HUNK: variants seen among roughly 807,000 people sequenced by gnomAD.
The protein encoded by HUNK is hormonally up-regulated Neu-associated kinase.
In HUNK, 21 loss-of-function variants were observed where a neutral mutation model predicts 61.0. That is an observed-to-expected ratio of 0.34 (90% CI 0.24 to 0.50). The LOEUF (loss-of-function observed/expected upper bound fraction) is 0.50, where lower values mean the gene tolerates loss of function less well. Ranked by LOEUF, HUNK falls within the 20% of genes least tolerant of loss-of-function variation. HUNK has a pLI of 0.98. For missense variants in HUNK, 772 were observed against 945.7 expected (o/e 0.82, Z 2.41); for synonymous variants, 371 against 386.1 (o/e 0.96, Z 0.46).
chr21:31,995,792 A>C lies in HUNK; in HGVS notation c.1330A>C (p.Lys444Gln). 1 of 1,614,148 alleles carries C rather than the reference A, an allele frequency of 6.2e-7. No homozygotes were observed. The highest frequency in any genetic ancestry group is 8.5e-7 in the Non-Finnish European group (1 of 1,180,016). The change falls in exon 10 of 11, where the codon AAA becomes CAA. Residue 444 changes from lysine to glutamine, a missense_variant. Lys to Gln is a moderately conservative substitution (Grantham distance 53). This residue lies in a region of HUNK where 413 missense variants were observed against 444.4 expected (regional missense o/e 0.93). Transcript: ENST00000270112. ...GGATAAAAAGCCCAAAGAACAAGAA[A>C]AAAGAGGGGATTTTCTTCATCGACC... The part of the protein sequence containing the change: ...VQDKKPKEQE[K>Q]RGDFLHRPFS...
intron 1 of HUNK, among the ~76,000 whole-genome samples, chr21:31,919,881 G>A (rs1295837002): frequency 6.6e-6 from 1 of 152,228 alleles, no homozygotes; most frequent in Non-Finnish European, 1.5e-5. Context: ...GCCTGGAAAT[G>A]CGTCCCAAAG....
At chr21:31,994,478 G>A (rs1328184122) in intron 9 of HUNK, among the ~76,000 whole-genome samples, 4 of 152,194 alleles carry the variant, frequency 2.6e-5, no homozygotes, top group Non-Finnish European at 5.9e-5. Flanking sequence ...AAATAGACGA[G>A]CTCTCTTGGT....
intron 1 of HUNK, among the ~76,000 whole-genome samples, chr21:31,891,748 G>A (rs1258054788): frequency 6.6e-6 from 1 of 152,148 alleles, no homozygotes; most frequent in African/African-American, 2.4e-5. Context: ...AGGGGGCAAA[G>A]GCACATGGAA....
At chr21:31,978,625 C>T (rs1255576291) in intron 7 of HUNK, among the ~76,000 whole-genome samples, 1 of 152,102 alleles carries the variant, frequency 6.6e-6, no homozygotes, top group African/African-American at 2.4e-5. Context: ...ATAATGTCCT[C>T]TAGGTTCATC....
chr21:31,978,432 C>T (rs1487963398), intron 7 of HUNK, among the ~76,000 whole-genome samples: 1 of 152,098 alleles, frequency 6.6e-6, no homozygotes, highest in African/African-American at 2.4e-5. Context: ...TTTTTTTCCT[C>T]CTGTTTAACT....
chr21:31,911,532 G>A lies in HUNK; in HGVS notation c.262-12936G>A, dbSNP rs555512391. On this transcript the variant is annotated intron_variant, in intron 1 of 10. Transcript: ENST00000270112. ...AGCCGTGGGCTGCCTGATGGGAGTGGCGCAGGCATCCTCATGACGTGGATT... is the reference window on the plus strand; with the variant it reads ...AGCCGTGGGCTGCCTGATGGGAGTGACGCAGGCATCCTCATGACGTGGATT... 1.1e-4 allele frequency among the ~76,000 whole-genome samples: 17 copies of A among 152,290 alleles called. No homozygotes were observed. In the South Asian group the frequency reaches 3.5e-3, roughly 32 times the overall value.
chr21:31,945,712 T>G (rs2095208925), intron 3 of HUNK, among the ~76,000 whole-genome samples: 1 of 152,070 alleles, frequency 6.6e-6, no homozygotes, highest in African/African-American at 2.4e-5. Flanking sequence ...GAAAGCGAAT[T>G]CTCTCTTTTT....
At chr21:31,983,273 C>G (rs575157484) in intron 7 of HUNK, among the ~76,000 whole-genome samples, 1 of 152,342 alleles carries the variant, frequency 6.6e-6, no homozygotes, top group Admixed American at 6.5e-5. Context: ...GTGATCTACT[C>G]AGGGTCACCT....
chr21:31,972,395 T>A (rs1568938529), intron 6 of HUNK, among the ~76,000 whole-genome samples: 2 of 152,196 alleles, frequency 1.3e-5, no homozygotes, highest in Admixed American at 1.3e-4. Context: ...GCATCAGGTT[T>A]ATGCATGGTT....
intron 2 of HUNK, among the ~76,000 whole-genome samples, chr21:31,929,031 C>T (rs1601383228): frequency 6.6e-6 from 1 of 151,716 alleles, no homozygotes; most frequent in Non-Finnish European, 1.5e-5. Context: ...ATTTAAGGGG[C>T]TTTTGGTTGT....
rs114816195 is a variant in HUNK at position 31,898,593 on chromosome 21, G to A, written c.261+24658G>A. 1.1e-4 allele frequency among the ~76,000 whole-genome samples: 17 copies of A among 152,248 alleles called. No homozygotes were observed. In the South Asian group the frequency reaches 3.1e-3, roughly 28 times the overall value. ...TGGATTTTTTATTAGGGCAAAAATA[G>A]GTGGACTGAATGTGCCTTTTTCAGC... On this transcript the variant is annotated intron_variant, in intron 1 of 10. Coordinates refer to ENST00000270112, the MANE Select transcript of HUNK (RefSeq NM_014586.2).
chr21:31,976,667 A>G (rs1362042348), intron 7 of HUNK, among the ~76,000 whole-genome samples: 2 of 151,282 alleles, frequency 1.3e-5, no homozygotes, highest in Non-Finnish European at 2.9e-5. Context: ...GAGTTTTGCC[A>G]TATTGGCCAG....
At chr21:31,911,563 C>T (rs977792974) in intron 1 of HUNK, among the ~76,000 whole-genome samples, 1 of 152,114 alleles carries the variant, frequency 6.6e-6, no homozygotes, top group African/African-American at 2.4e-5. Flanking sequence ...GGATTCTTTC[C>T]TTTGGGAGCC....
chr21:31,893,152 TC>T (rs2066604555), intron 1 of HUNK, among the ~76,000 whole-genome samples: 1 of 151,606 alleles, frequency 6.6e-6, no homozygotes, highest in Non-Finnish European at 1.5e-5. Context: ...AATATGAGAC[TC>T]CAAGAAGGGC....
chr21:31,916,204 C>G (rs1303478743), intron 1 of HUNK, among the ~76,000 whole-genome samples: 2 of 151,734 alleles, frequency 1.3e-5, no homozygotes, highest in African/African-American at 4.8e-5. Flanking sequence ...GCACCCACCA[C>G]CATACCCGGC....
chr21:31,971,364 C>G (rs1024481469), intron 6 of HUNK, among the ~76,000 whole-genome samples: 3 of 152,028 alleles, frequency 2.0e-5, no homozygotes, highest in Non-Finnish European at 4.4e-5. Flanking sequence ...GAGCCACCAC[C>G]GTGCCTGGCC....
chr21:31,955,523 A>G (rs916859100), intron 4 of HUNK, among the ~76,000 whole-genome samples: 1 of 151,854 alleles, frequency 6.6e-6, no homozygotes, highest in Non-Finnish European at 1.5e-5. Context: ...CCCGGGAGGC[A>G]GAGCTTGCAG....
At chr21:31,878,461 G>A (rs540522275) in intron 1 of HUNK, among the ~76,000 whole-genome samples, 2 of 151,950 alleles carry the variant, frequency 1.3e-5, no homozygotes, top group East Asian at 2.0e-4. Context: ...GTGGCTGGAC[G>A]CGGTGGCTCA....
At chr21:31,899,865 C>A (rs765420322) in intron 1 of HUNK, among the ~76,000 whole-genome samples, 2 of 151,974 alleles carry the variant, frequency 1.3e-5, no homozygotes, top group Non-Finnish European at 2.9e-5. Flanking sequence ...ACAACCTCTG[C>A]CTCCCAGGTT....
Sources: gnomAD v4.1 joint callset for allele counts (sites outside exome capture counted in the v4.1 genomes callset) on GRCh38, gnomAD v4.1.1 for gene constraint, gnomAD v4.1.1 regional missense constraint, MANE v1.5 for transcripts, NCBI Gene and HGNC (gene_info 2026-07-23, HGNC 2026-07-21) for gene names.